Variants in KAT6B observed in about 807,000 individuals in gnomAD.
The protein encoded by KAT6B is histone acetyltransferase KAT6B.
KAT6B carries 10 observed loss-of-function variants against 187.5 expected under a neutral mutation model. The observed-to-expected ratio is 0.05, with a 90% CI of 0.03 to 0.09. The LOEUF (loss-of-function observed/expected upper bound fraction) is 0.09, where lower values mean the gene tolerates loss of function less well. KAT6B is among the 10% of genes least tolerant of loss of function. KAT6B has a pLI of 1.00. For missense variants in KAT6B, 1,952 were observed against 2,558.9 expected, an observed-to-expected ratio of 0.76 and a Z score of 5.12; for synonymous variants, 861 against 926.8, an observed-to-expected ratio of 0.93 and a Z score of 1.29.
intron 11 of KAT6B, chr10:74,982,524 T>C (rs1423012609): frequency 1.3e-5 from 2 of 155,018 alleles, no homozygotes. Flanking sequence ...ATTTCCAGAA[T>C]TGATTTCGTA....
intron 3 of KAT6B, among the ~76,000 whole-genome samples, chr10:74,876,012 A>G (rs982055782): frequency 2.6e-5 from 4 of 152,162 alleles, no homozygotes; most frequent in African/African-American, 9.7e-5. Flanking sequence ...CACTTTATTC[A>G]TCTTGAATAA....
intron 3 of KAT6B, among the ~76,000 whole-genome samples, chr10:74,874,360 T>C (rs900207324): frequency 6.6e-6 from 1 of 152,140 alleles, no homozygotes; most frequent in African/African-American, 2.4e-5. Context: ...TTAGTTGTTT[T>C]CTTAGTTGAT....
intron 3 of KAT6B, among the ~76,000 whole-genome samples, chr10:74,937,116 C>T (rs1273068746): frequency 2.0e-5 from 3 of 152,168 alleles, no homozygotes; most frequent in African/African-American, 7.2e-5. Flanking sequence ...GGCGATCATG[C>T]TTTTTATTTG....
At chr10:74,890,568 T>TA (rs1216739764) in intron 3 of KAT6B, among the ~76,000 whole-genome samples, 10 of 151,670 alleles carry the variant, frequency 6.6e-5, no homozygotes, top group Admixed American at 3.3e-4. Context: ...CAAACAAAAA[T>TA]ACACACAGGA....
chr10:74,964,125 C>G (rs1445253870), intron 4 of KAT6B, among the ~76,000 whole-genome samples: 1 of 152,082 alleles, frequency 6.6e-6, no homozygotes, highest in Non-Finnish European at 1.5e-5. Context: ...GAGTGAAACT[C>G]TGTCTCAAAA....
chr10:74,915,905 A>G (rs1474459776), intron 3 of KAT6B, among the ~76,000 whole-genome samples: 1 of 152,156 alleles, frequency 6.6e-6, no homozygotes. Flanking sequence ...GGTGGCTCAT[A>G]CCTATAATCC....
chr10:74,900,021 G>A (rs904631346), intron 3 of KAT6B, among the ~76,000 whole-genome samples: 32 of 152,052 alleles, frequency 2.1e-4, no homozygotes, highest in Non-Finnish European at 4.0e-4. Context: ...AAAAAAGAGA[G>A]GTCAGTAGGA....
At chr10:74,896,903 A>G (rs188592322) in intron 3 of KAT6B, among the ~76,000 whole-genome samples, 33 of 152,312 alleles carry the variant, frequency 2.2e-4, no homozygotes, top group African/African-American at 7.5e-4. Context: ...CTCACCCTAG[A>G]TCAGCATTGA....
At chr10:75,009,363 C>T (rs111599559) in intron 13 of KAT6B, among the ~76,000 whole-genome samples, 46 of 152,224 alleles carry the variant, frequency 3.0e-4, no homozygotes, top group African/African-American at 1.0e-3. Flanking sequence ...TACCTAGTAC[C>T]TAGTAGGCAC....
chr10:75,028,652 G>A lies in KAT6B; in HGVS notation c.3828G>A (p.Pro1276=), dbSNP rs141935235. The A allele has an allele frequency of 2.9e-4, 470 of 1,614,068 alleles. 1 individual carries two copies. The highest frequency in any genetic ancestry group is 3.8e-4 in the Non-Finnish European group (448 of 1,180,026). Residue 1276 remains proline, a synonymous_variant, in exon 18 of 18, where the codon CCG becomes CCA. Coordinates refer to ENST00000287239, the MANE Select transcript of KAT6B (RefSeq NM_012330.4). ...GATTTAAACTGAATTTGTACACCCCGCCAGAAACACCCATGGAGCCTGACG... is the reference window on the plus strand; with the variant it reads ...GATTTAAACTGAATTTGTACACCCCACCAGAAACACCCATGGAGCCTGACG... ...KTGFKLNLYT[P]PETPMEPDEQ...
intron 13 of KAT6B, among the ~76,000 whole-genome samples, chr10:75,007,214 C>G (rs1403309003): frequency 6.6e-6 from 1 of 152,066 alleles, no homozygotes; most frequent in Non-Finnish European, 1.5e-5. Context: ...ATCTTCTGAT[C>G]AAGGATATTT....
chr10:75,022,366 C>G (rs1363936780), intron 16 of KAT6B, 135 bp downstream of exon 16: 3 of 981,164 alleles, frequency 3.1e-6, no homozygotes, highest in Non-Finnish European at 4.9e-6. Context: ...TCCCGCTGAT[C>G]ATATATCATA....
At chr10:74,877,075 C>T (rs1303338668) in intron 3 of KAT6B, among the ~76,000 whole-genome samples, 1 of 151,504 alleles carries the variant, frequency 6.6e-6, no homozygotes, top group African/African-American at 2.4e-5. Flanking sequence ...AAGCGATTCT[C>T]CTGCCTCAGC....
rs1842356526 is a variant in KAT6B, at chr10:74,849,863, G to A, written c.621+6385G>A. 3.3e-5 allele frequency among the ~76,000 whole-genome samples: 5 copies of A among 152,068 alleles called. No individual in the cohort carries two copies. In the South Asian group the frequency reaches 1.0e-3, roughly 32 times the overall value. On this transcript the variant is annotated intron_variant, in intron 3 of 17. Coordinates refer to ENST00000287239, the MANE Select transcript of KAT6B (RefSeq NM_012330.4). ...AGGTCACTGATAGAGCTAGTGAGTG[G>A]TGAAGCCAAGATTCTGACGAGACAG...
chr10:74,851,154 C>T (rs1178969845), intron 3 of KAT6B, among the ~76,000 whole-genome samples: 1 of 151,664 alleles, frequency 6.6e-6, no homozygotes, highest in Non-Finnish European at 1.5e-5. Context: ...GTTGCCCAGG[C>T]CGGAGTGCAG....
At chr10:74,972,788 G>T in intron 7 of KAT6B, 149 bp downstream of exon 7, 2 of 774,902 alleles carry the variant, frequency 2.6e-6, no homozygotes, top group Non-Finnish European at 4.2e-6. Context: ...CATAAGCTGT[G>T]GAAATTTTTT....
At chr10:74,884,741 T>G (rs1379745476) in intron 3 of KAT6B, among the ~76,000 whole-genome samples, 1 of 152,092 alleles carries the variant, frequency 6.6e-6, no homozygotes, top group Non-Finnish European at 1.5e-5. Context: ...GCTGATTTTT[T>G]GTATTTTTAG....
At chr10:74,836,949 A>G (rs974934995) in intron 1 of KAT6B, among the ~76,000 whole-genome samples, 3 of 152,246 alleles carry the variant, frequency 2.0e-5, no homozygotes, top group Admixed American at 6.5e-5. Context: ...CAGGATGACA[A>G]AAGTGTAAAC....
At chr10:74,855,332 C>G (rs1330219045) in intron 3 of KAT6B, among the ~76,000 whole-genome samples, 1 of 152,196 alleles carries the variant, frequency 6.6e-6, no homozygotes, top group East Asian at 1.9e-4. Flanking sequence ...GTGACCAGCC[C>G]TGCTTTTTGT....
Sources: allele counts gnomAD v4.1 joint callset (sites outside exome capture counted in the v4.1 genomes callset), GRCh38; gene constraint gnomAD v4.1.1; transcripts MANE v1.5; gene names NCBI Gene and HGNC (gene_info 2026-07-23, HGNC 2026-07-21).